Variants in THSD7B observed in about 807,000 individuals in gnomAD.
THSD7B encodes thrombospondin type-1 domain-containing protein 7B.
In THSD7B, 138 loss-of-function variants were observed where a neutral mutation model predicts 213.6. The observed-to-expected ratio is 0.65, with a 90% CI of 0.56 to 0.74. The LOEUF (loss-of-function observed/expected upper bound fraction) is 0.74. Among genes scored for constraint, THSD7B ranks in the 30% least tolerant of loss-of-function variants. THSD7B has a pLI of 0.00. For missense variants in THSD7B, 1,931 were observed against 1,991.5 expected, an observed-to-expected ratio of 0.97 and a Z score of 0.58; for synonymous variants, 742 against 687.0, an observed-to-expected ratio of 1.08 and a Z score of -1.25.
chr2:137,546,493 ATATT>A (rs1455614350), intron 15 of THSD7B, among the ~76,000 whole-genome samples: 1 of 85,010 alleles, frequency 1.2e-5, no homozygotes, highest in Non-Finnish European at 2.2e-5. Flanking sequence ...ATATATATAT[ATATT>A]AACATACCTA....
chr2:137,231,226 G>GAAGTT lies in THSD7B; in HGVS notation c.1906_1907insAAGTT (p.Ala636GlufsTer46). On this transcript the variant is annotated frameshift_variant, in exon 8 of 28. Coordinates refer to ENST00000409968, the MANE Select transcript of THSD7B (RefSeq NM_001316349.2). LOFTEE classifies it high-confidence loss of function. The stretch of plus-strand genomic sequence containing the variant: ...CAGGTCAAGAACTATCCTGGCACTG[G>GAAGTT]CTGGGGAAGGTGAGTAACAGAAAAG... 1 of 1,607,502 alleles carries GAAGTT rather than the reference G, an allele frequency of 6.2e-7. No individual in the cohort carries two copies. The highest frequency in any genetic ancestry group is 8.5e-7 in the Non-Finnish European group (1 of 1,176,370).
intron 1 of THSD7B, among the ~76,000 whole-genome samples, chr2:136,861,006 T>C (rs1477816715): frequency 6.6e-6 from 1 of 152,262 alleles, no homozygotes; most frequent in Non-Finnish European, 1.5e-5. Flanking sequence ...GTAGCTCACT[T>C]CTAATCTGTT....
intron 2 of THSD7B, among the ~76,000 whole-genome samples, chr2:136,923,821 T>C (rs534089084): frequency 6.6e-6 from 1 of 152,322 alleles, no homozygotes; most frequent in African/African-American, 2.4e-5. Context: ...TGTTATCGTG[T>C]TATAGAAGTT....
chr2:137,392,948 G>A (rs574148046), intron 12 of THSD7B, among the ~76,000 whole-genome samples: 121 of 151,860 alleles, frequency 8.0e-4, no homozygotes, highest in Admixed American at 1.4e-3. Context: ...TGTTTTTACG[G>A]TGGTAAATAT....
intron 12 of THSD7B, among the ~76,000 whole-genome samples, chr2:137,383,597 C>T (rs548826688): frequency 2.6e-5 from 4 of 152,300 alleles, no homozygotes; most frequent in African/African-American, 4.8e-5. Flanking sequence ...TATGTAACCA[C>T]GCCATTTGAG....
At chr2:137,162,080 C>T (rs1253762066) in intron 6 of THSD7B, among the ~76,000 whole-genome samples, 1 of 152,176 alleles carries the variant, frequency 6.6e-6, no homozygotes, top group Non-Finnish European at 1.5e-5. Flanking sequence ...TTATAGGTGA[C>T]AGAAACCCAA....
rs114454830 is a variant in THSD7B, at chr2:137,340,222, A to G, written c.2500+64196A>G. On this transcript the variant is annotated intron_variant, in intron 12 of 27. Coordinates refer to ENST00000409968, the MANE Select transcript of THSD7B (RefSeq NM_001316349.2). ...TTCTTCATATGTATAATTTCAGGAA[A>G]ATTCAGACTTCTCTTAAAAAACTAA... is the stretch of plus-strand genomic sequence containing the variant. 9.9e-3 allele frequency among the ~76,000 whole-genome samples: 1,509 copies of G among 151,992 alleles called. 30 individuals are homozygous for G. Among genetic ancestry groups the G allele is most frequent in the African/African-American group, 0.035 (1,459 of 41,514 alleles).
intron 1 of THSD7B, among the ~76,000 whole-genome samples, chr2:136,865,232 T>C (rs1032994227): frequency 3.7e-4 from 57 of 152,200 alleles, no homozygotes; most frequent in Non-Finnish European, 7.3e-5. Flanking sequence ...TGGGAAACCA[T>C]GCTTCATAGA....
intron 17 of THSD7B, among the ~76,000 whole-genome samples, chr2:137,611,642 T>C (rs1329054311): frequency 1.3e-5 from 2 of 152,092 alleles, no homozygotes; most frequent in East Asian, 3.8e-4. Flanking sequence ...GGCTTGAAGT[T>C]TGAAAAAACA....
At chr2:137,660,068 G>C (rs1683314495) in intron 25 of THSD7B, among the ~76,000 whole-genome samples, 1 of 152,110 alleles carries the variant, frequency 6.6e-6, no homozygotes, top group African/African-American at 2.4e-5. Flanking sequence ...TATTTTGAAA[G>C]ATACTATAAA....
chr2:136,775,005 G>A (rs993540382), intron 1 of THSD7B, among the ~76,000 whole-genome samples: 7 of 152,034 alleles, frequency 4.6e-5, no homozygotes, highest in Admixed American at 2.0e-4. Flanking sequence ...GTAGATACAC[G>A]CAAGAGTAAA....
intron 12 of THSD7B, among the ~76,000 whole-genome samples, chr2:137,316,861 A>T (rs1684123479): frequency 6.6e-6 from 1 of 152,140 alleles, no homozygotes; most frequent in Admixed American, 6.5e-5. Context: ...AGCCAGTAGA[A>T]GTGGGATTTA....
chr2:137,061,641 C>T (rs7569725), intron 3 of THSD7B, among the ~76,000 whole-genome samples: 44,983 of 151,328 alleles, frequency 0.3, 7,784 homozygotes, highest in East Asian at 0.5. Flanking sequence ...GTTCATTAGC[C>T]TGTTTATGTT....
At chr2:137,462,880 T>C (rs1687911825) in intron 15 of THSD7B, among the ~76,000 whole-genome samples, 1 of 151,958 alleles carries the variant, frequency 6.6e-6, no homozygotes, top group African/African-American at 2.4e-5. Context: ...AATTCTCAAC[T>C]TAATAAGGAA....
At chr2:137,348,151 C>G (rs1684919948) in intron 12 of THSD7B, among the ~76,000 whole-genome samples, 1 of 151,540 alleles carries the variant, frequency 6.6e-6, no homozygotes, top group African/African-American at 2.4e-5. Context: ...ATGAAAGAAC[C>G]AAATGCAAAA....
intron 3 of THSD7B, among the ~76,000 whole-genome samples, chr2:137,093,276 G>T (rs747269223): frequency 6.6e-6 from 1 of 152,014 alleles, no homozygotes; most frequent in African/African-American, 2.4e-5. Flanking sequence ...GTTCCTCCTC[G>T]CACTTTATGC....
intron 7 of THSD7B, among the ~76,000 whole-genome samples, chr2:137,172,204 C>A (rs35138056): frequency 0.046 from 7,015 of 152,206 alleles, 199 homozygotes; most frequent in Admixed American, 0.069. Flanking sequence ...CTTTTGTTTT[C>A]ATAGTTGGTC....
chr2:136,867,765 A>G (rs1683367101), intron 1 of THSD7B, among the ~76,000 whole-genome samples: 1 of 152,176 alleles, frequency 6.6e-6, no homozygotes, highest in Non-Finnish European at 1.5e-5. Context: ...TAAAATTTCC[A>G]GTGGTAAATT....
At chr2:137,550,368 G>C (rs1226364592) in intron 15 of THSD7B, among the ~76,000 whole-genome samples, 1 of 152,078 alleles carries the variant, frequency 6.6e-6, no homozygotes, top group East Asian at 1.9e-4. Context: ...GCCCCTTACT[G>C]TGTATTCAAT....
Sources: allele counts gnomAD v4.1 joint callset (sites outside exome capture counted in the v4.1 genomes callset), GRCh38; gene constraint gnomAD v4.1.1; transcripts MANE v1.5; gene names NCBI Gene and HGNC (gene_info 2026-07-23, HGNC 2026-07-21).